Variants in CSMD1 observed in about 807,000 individuals in gnomAD.
The protein encoded by CSMD1 is CUB and Sushi multiple domains 1, also known as CUB and sushi domain-containing protein 1.
CSMD1 carries 213 observed loss-of-function variants against 417.5 expected under a neutral mutation model. That is an observed-to-expected ratio of 0.51 (90% CI 0.46 to 0.57). The LOEUF (loss-of-function observed/expected upper bound fraction) is 0.57. CSMD1 is among the 20% of genes least tolerant of loss of function. The pLI is 0.00. For synonymous variants in CSMD1, 2,862 were observed against 1,736.8 expected, an observed-to-expected ratio of 1.65 and a Z score of -16.11; for missense variants, 6,923 against 4,529.7, an observed-to-expected ratio of 1.53 and a Z score of -15.17.
At chr8:4,771,423 T>C (rs1796592047) in intron 1 of CSMD1, among the ~76,000 whole-genome samples, 1 of 152,226 alleles carries the variant, frequency 6.6e-6, no homozygotes, top group South Asian at 2.1e-4. Flanking sequence ...TTTTAAAATA[T>C]CAAATCCAAA....
intron 1 of CSMD1, among the ~76,000 whole-genome samples, chr8:4,808,997 G>A (rs146332855): frequency 4.8e-4 from 73 of 152,258 alleles, no homozygotes; most frequent in African/African-American, 1.6e-3. Flanking sequence ...AGGACATTTT[G>A]CTCTTGATCT....
chr8:3,343,804 A>G (rs1205533651), intron 22 of CSMD1, among the ~76,000 whole-genome samples: 1 of 152,172 alleles, frequency 6.6e-6, no homozygotes, highest in Non-Finnish European at 1.5e-5. Flanking sequence ...TTATAAAAGT[A>G]AAAAGGATTT....
chr8:4,296,103 G>C (rs895433521), intron 3 of CSMD1, among the ~76,000 whole-genome samples: 8 of 152,040 alleles, frequency 5.3e-5, no homozygotes, highest in Non-Finnish European at 7.4e-5. Flanking sequence ...TCTTTGCAAG[G>C]AGAGAAATCT....
Position 3,307,688 on chromosome 8 carries a change from C to G in CSMD1, c.3950+7G>C, listed in dbSNP as rs1272565958. The G allele has an allele frequency of 3.1e-6, 5 of 1,611,510 alleles. No individual in the cohort carries two copies. The highest frequency in any genetic ancestry group is 1.3e-5 in the African/African-American group (1 of 74,770). On this transcript the variant is annotated splice_region_variant and intron_variant, in intron 25 of 69. Transcript: ENST00000635120. ...TCAAATCACTGAAACCAAAATAAAA[C>G]AAGTACCTAATGGTCTTTCCTGGGT...
chr8:3,384,233 A>G (rs1308156814), intron 18 of CSMD1, among the ~76,000 whole-genome samples: 1 of 152,184 alleles, frequency 6.6e-6, no homozygotes, highest in Non-Finnish European at 1.5e-5. Context: ...GAGATAGTCT[A>G]AATTTTCACA....
chr8:3,874,701 A>G (rs552616465), intron 5 of CSMD1, among the ~76,000 whole-genome samples: 9 of 152,260 alleles, frequency 5.9e-5, no homozygotes, highest in South Asian at 2.1e-4. Flanking sequence ...TCCCTCCTAC[A>G]ACAAATGCGA....
chr8:4,691,449 T>A (rs1584950744), intron 1 of CSMD1, among the ~76,000 whole-genome samples: 1 of 152,234 alleles, frequency 6.6e-6, no homozygotes, highest in African/African-American at 2.4e-5. Flanking sequence ...ACATCCTTCT[T>A]GACAATTTTA....
At chr8:4,974,563 A>C (rs1810436036) in intron 1 of CSMD1, among the ~76,000 whole-genome samples, 1 of 152,190 alleles carries the variant, frequency 6.6e-6, no homozygotes, top group Non-Finnish European at 1.5e-5. Context: ...TCTTTGAAAA[A>C]AGATTGGAGT....
chr8:3,264,735 G>A (rs1268455831), intron 26 of CSMD1, among the ~76,000 whole-genome samples: 1 of 152,162 alleles, frequency 6.6e-6, no homozygotes, highest in African/African-American at 2.4e-5. Flanking sequence ...TGCTAATAGA[G>A]TTTAATCTAC....
chr8:3,037,705 A>G (rs1810786153), intron 50 of CSMD1, among the ~76,000 whole-genome samples: 1 of 152,216 alleles, frequency 6.6e-6, no homozygotes, highest in African/African-American at 2.4e-5. Context: ...TTACAGCTTA[A>G]CGAAATGATT....
chr8:4,566,652 CAAAAAAAAAAAAA>C (rs35448667), intron 2 of CSMD1, among the ~76,000 whole-genome samples: 1 of 62,824 alleles, frequency 1.6e-5, no homozygotes, highest in Non-Finnish European at 2.6e-5. Flanking sequence ...GACTCTGACT[CAAAAAAAAAAAAA>C]AAAAAAAAAA....
intron 1 of CSMD1, among the ~76,000 whole-genome samples, chr8:4,696,735 T>A (rs1428468604): frequency 6.6e-6 from 1 of 152,202 alleles, no homozygotes; most frequent in Non-Finnish European, 1.5e-5. Flanking sequence ...GTACCCAGAA[T>A]AATGCCCAGC....
At chr8:4,848,411 T>C (rs987751638) in intron 1 of CSMD1, among the ~76,000 whole-genome samples, 18 of 152,246 alleles carry the variant, frequency 1.2e-4, no homozygotes, top group African/African-American at 3.9e-4. Context: ...GAGCTAGTAA[T>C]GGCCTATGGT....
At chr8:3,140,280 G>A (rs2129030627) in intron 41 of CSMD1, among the ~76,000 whole-genome samples, 1 of 152,208 alleles carries the variant, frequency 6.6e-6, no homozygotes, top group African/African-American at 2.4e-5. Flanking sequence ...GCACAGGCAA[G>A]CAGATCTGTA....
intron 3 of CSMD1, among the ~76,000 whole-genome samples, chr8:4,390,528 T>TATTTATTTATTTATTTA (rs71534398): frequency 3.3e-5 from 5 of 150,884 alleles, no homozygotes; most frequent in African/African-American, 4.9e-5. Context: ...TTTATTTATT[T>TATTTATTTATTTATTTA]TTTGAGATGG....
At chr8:3,529,362 A>T (rs1797883787) in intron 10 of CSMD1, among the ~76,000 whole-genome samples, 1 of 152,200 alleles carries the variant, frequency 6.6e-6, no homozygotes, top group African/African-American at 2.4e-5. Flanking sequence ...CAATTCAAGA[A>T]AGAGTAACTC....
chr8:3,291,110 T>C (rs1003364001), intron 25 of CSMD1, among the ~76,000 whole-genome samples: 1 of 152,218 alleles, frequency 6.6e-6, no homozygotes, highest in South Asian at 2.1e-4. Context: ...TGGTTCTGTT[T>C]ATATGCTAGA....
At chr8:4,258,066 C>G (rs1585111324) in intron 3 of CSMD1, among the ~76,000 whole-genome samples, 1 of 151,798 alleles carries the variant, frequency 6.6e-6, no homozygotes, top group African/African-American at 2.4e-5. Flanking sequence ...ACCTCAGCCT[C>G]CCTAGTAACT....
chr8:3,260,104 G>C (rs918201904), intron 26 of CSMD1, among the ~76,000 whole-genome samples: 5 of 152,116 alleles, frequency 3.3e-5, no homozygotes, highest in African/African-American at 1.2e-4. Flanking sequence ...ATTTTTCTTT[G>C]CATGTATATG....
Sources: gnomAD v4.1 joint callset for allele counts (sites outside exome capture counted in the v4.1 genomes callset) on GRCh38, gnomAD v4.1.1 for gene constraint, MANE v1.5 for transcripts, NCBI Gene and HGNC (gene_info 2026-07-23, HGNC 2026-07-21) for gene names.